IGFBPL1: variants seen among roughly 807,000 people sequenced by gnomAD.
IGFBPL1 encodes the protein insulin-like growth factor-binding protein-like 1.
IGFBPL1 carries 20 observed loss-of-function variants against 23.9 expected under a neutral mutation model. The observed-to-expected ratio is 0.84, with a 90% CI of 0.59 to 1.22. IGFBPL1 has a LOEUF of 1.22. Among genes scored for constraint, IGFBPL1 ranks in the 50% most tolerant of loss-of-function variants. The pLI is 0.00. For synonymous variants in IGFBPL1, 184 were observed against 171.8 expected, an observed-to-expected ratio of 1.07 and a Z score of -0.56; for missense variants, 436 against 379.3, an observed-to-expected ratio of 1.15 and a Z score of -1.24.
chr9:38,419,735 A>T (rs749113198), intron 1 of IGFBPL1, among the ~76,000 whole-genome samples: 1 of 152,196 alleles, frequency 6.6e-6, no homozygotes, highest in Non-Finnish European at 1.5e-5. Flanking sequence ...TCATCATAAT[A>T]CTAAGGCCAT....
At chr9:38,419,212 C>T (rs1040305514) in intron 1 of IGFBPL1, among the ~76,000 whole-genome samples, 2 of 152,056 alleles carry the variant, frequency 1.3e-5, no homozygotes, top group Non-Finnish European at 2.9e-5. Context: ...AGTCATTCCC[C>T]AGGACCCCAT....
At chr9:38,421,232 G>T (rs529746323) in intron 1 of IGFBPL1, among the ~76,000 whole-genome samples, 1 of 148,202 alleles carries the variant, frequency 6.7e-6, no homozygotes, top group African/African-American at 2.5e-5. Flanking sequence ...ATCACAGTGG[G>T]CTGTGATCAA....
In IGFBPL1 at chr9:38,424,205, C is replaced by T. The variant is rs1290463160; in HGVS notation, c.220G>A (p.Gly74Ser). The change falls in exon 1 of 5, where the codon GGC becomes AGC. Residue 74 changes from glycine (G) to serine (S), a missense_variant. Coordinates refer to ENST00000377694, the MANE Select transcript of IGFBPL1 (RefSeq NM_001007563.3). ...CCGGCGCGGCCCCCGCAGCTCGCGC[C>T]CTCGGCTCCCAGGCAGCGGGCGCAG... The part of the protein sequence containing the change: ...GCCARCLGAE[G>S]ASCGGRAGGR... The T allele has an allele frequency of 2.4e-5, 28 of 1,172,994 alleles. No homozygotes were observed. Among genetic ancestry groups the T allele is most frequent in the Non-Finnish European group, 2.8e-5 (27 of 951,480 alleles). 72.7% of individuals were successfully genotyped at this position (1,172,994 alleles called of 1,614,324 possible). A position where few individuals can be genotyped will look rare whatever the true frequency, so the allele number is the denominator to read the frequency against.
intron 1 of IGFBPL1, among the ~76,000 whole-genome samples, chr9:38,419,546 G>A (rs1046261050): frequency 3.3e-5 from 5 of 152,100 alleles, no homozygotes; most frequent in African/African-American, 7.2e-5. Context: ...GGAGCTCACC[G>A]AAGCTGCCAG....
chr9:38,412,551 G>A (rs1183276814), intron 3 of IGFBPL1, among the ~76,000 whole-genome samples: 3 of 152,204 alleles, frequency 2.0e-5, no homozygotes. Context: ...TTACCAGCGG[G>A]TGACCTTAGG....
chr9:38,413,608 G>A (rs530006230), intron 2 of IGFBPL1, among the ~76,000 whole-genome samples: 2 of 152,320 alleles, frequency 1.3e-5, no homozygotes, highest in Admixed American at 6.5e-5. Flanking sequence ...GAATTTCAAC[G>A]CCTGTCTCAG....
chr9:38,410,209 A>G (rs996858833), intron 4 of IGFBPL1, among the ~76,000 whole-genome samples: 12 of 152,168 alleles, frequency 7.9e-5, no homozygotes, highest in African/African-American at 2.9e-4. Context: ...CAGGCCAGGC[A>G]CGGTGGCTCA....
At chr9:38,414,920 A>G (rs1821577599) in intron 1 of IGFBPL1, among the ~76,000 whole-genome samples, 1 of 151,828 alleles carries the variant, frequency 6.6e-6, no homozygotes, top group African/African-American at 2.4e-5. Context: ...CCTACTCCAC[A>G]CTCTGCCTTC....
chr9:38,410,188 A>C (rs1821490761), intron 4 of IGFBPL1, among the ~76,000 whole-genome samples: 1 of 152,174 alleles, frequency 6.6e-6, no homozygotes, highest in Non-Finnish European at 1.5e-5. Context: ...CATTCCTGTA[A>C]GAGGATCGTG....
chr9:38,407,190 C>A lies in IGFBPL1; in HGVS notation c.*2037G>T, dbSNP rs534709431. 4.6e-5 allele frequency among the ~76,000 whole-genome samples: 7 copies of A among 152,228 alleles called. No homozygotes were observed. The highest frequency in any genetic ancestry group is 1.0e-4 in the Non-Finnish European group (7 of 68,040). The stretch of plus-strand genomic sequence containing the variant: ...GAGCAGGTCCCCTGGCAGCTCCAAA[C>A]CCCAGTAGACAAGAACAGCTTCCAG... On this transcript the variant is annotated 3_prime_UTR_variant, in exon 5 of 5. Transcript: ENST00000377694.
chr9:38,419,441 C>T (rs1262258568), intron 1 of IGFBPL1, among the ~76,000 whole-genome samples: 1 of 152,156 alleles, frequency 6.6e-6, no homozygotes, highest in Non-Finnish European at 1.5e-5. Context: ...CGCTGCCTCT[C>T]CTGGTTACCT....
intron 3 of IGFBPL1, 135 bp from the exon 4 acceptor site, chr9:38,411,684 G>T (rs1312633867): frequency 1.3e-6 from 1 of 772,700 alleles, no homozygotes; most frequent in Non-Finnish European, 2.0e-6. Flanking sequence ...TTCTCTCCTT[G>T]CATTGGCTGC....
chr9:38,421,284 C>CAAAAAA (rs35342818), intron 1 of IGFBPL1, among the ~76,000 whole-genome samples: 1 of 91,534 alleles, frequency 1.1e-5, no homozygotes, highest in Non-Finnish European at 2.1e-5. Flanking sequence ...GACCCTGTCT[C>CAAAAAA]AAAAAAAAAA....
Position 38,424,414 on chromosome 9 carries a change from A to G in IGFBPL1, c.11T>C (p.Leu4Ser). MPR[L>S]SLLLPLLLLL... is the part of the protein sequence containing the mutation. ...AAGCAGCAGCGGCAAGAGCAGAGAC[A>G]AGCGCGGCATGGCTTGCTCCGGGAC... The change falls in exon 1 of 5, where the codon TTG becomes TCG. Residue 4 changes from leucine to serine, a missense_variant. Coordinates refer to ENST00000377694, the MANE Select transcript of IGFBPL1 (RefSeq NM_001007563.3). 1.7e-6 allele frequency: 1 copy of G among 605,896 alleles called. No homozygotes were observed. The highest frequency in any genetic ancestry group is 2.9e-6 in the Non-Finnish European group (1 of 341,592). The allele number at this position is 605,896 out of a possible 1,614,324, so 37.5% of individuals were successfully genotyped here.
rs1019040347 is a variant in IGFBPL1 at position 38,421,892 on chromosome 9, G to T, written c.460+2073C>A. Among the ~76,000 whole-genome samples, 25 of 152,310 alleles carry T rather than the reference G, an allele frequency of 1.6e-4. No homozygotes were observed. The South Asian group carries it at 4.8e-3, about 29-fold the overall frequency. On this transcript the variant is annotated intron_variant, in intron 1 of 4. Transcript: ENST00000377694. ...GTGCGGAAGAAGGGCTGAACCCCGG[G>T]GAGGCCTGACGCCTGTCAGTAATGA...
intron 1 of IGFBPL1, among the ~76,000 whole-genome samples, chr9:38,420,526 A>G (rs1335889093): frequency 6.6e-6 from 1 of 152,220 alleles, no homozygotes; most frequent in Non-Finnish European, 1.5e-5. Flanking sequence ...CTAGCTGTGC[A>G]GCGCCCATCT....
At chr9:38,420,764 G>A (rs867693666) in intron 1 of IGFBPL1, among the ~76,000 whole-genome samples, 1 of 152,174 alleles carries the variant, frequency 6.6e-6, no homozygotes. Context: ...GTGAACCCAG[G>A]AGGTGGAGCT....
In IGFBPL1 at chr9:38,424,067, G is replaced by T; in HGVS notation, c.358C>A (p.Arg120Ser). 7.2e-7 allele frequency: 1 copy of T among 1,398,186 alleles called. No homozygotes were observed. The highest frequency in any genetic ancestry group is 9.2e-7 in the Non-Finnish European group (1 of 1,082,230). The allele number at this position is 1,398,186 out of a possible 1,614,324, so 86.6% of individuals were successfully genotyped here. A position where few individuals can be genotyped will look rare whatever the true frequency, so the allele number is the denominator to read the frequency against. ...AGCGCGCAGACGCTGGGGTACGAGCGACCGTCGGAGCCGCAGACGGTGCCG... is the reference window on the plus strand; with the variant it reads ...AGCGCGCAGACGCTGGGGTACGAGCTACCGTCGGAGCCGCAGACGGTGCCG... ...QRGTVCGSDG[R>S]SYPSVCALRL... Residue 120 changes from arginine (R) to serine (S), a missense_variant, in exon 1 of 5, where the codon CGC becomes AGC. Transcript: ENST00000377694.
At chr9:38,413,658 T>C (rs950006698) in intron 2 of IGFBPL1, among the ~76,000 whole-genome samples, 1 of 152,204 alleles carries the variant, frequency 6.6e-6, no homozygotes, top group African/African-American at 2.4e-5. Context: ...CTGTGATCCT[T>C]GCCGGTCTCT....
Sources: allele counts gnomAD v4.1 joint callset (sites outside exome capture counted in the v4.1 genomes callset), GRCh38; gene constraint gnomAD v4.1.1; transcripts MANE v1.5; gene names NCBI Gene and HGNC (gene_info 2026-07-23, HGNC 2026-07-21).